BLK: variants seen among roughly 807,000 people sequenced by gnomAD.
The protein encoded by BLK is tyrosine-protein kinase Blk.
In BLK, 64 loss-of-function variants were observed where a neutral mutation model predicts 61.8. That is an observed-to-expected ratio of 1.03 (90% confidence interval 0.85 to 1.27). The LOEUF is 1.27. BLK is among the 50% of genes most tolerant of loss of function. The probability of loss-of-function intolerance (pLI) is 0.00; values close to 1 mark genes in which losing one functional copy is unlikely to be tolerated. For synonymous variants in BLK, 351 were observed against 272.0 expected, an observed-to-expected ratio of 1.29 and a Z score of -2.86; for missense variants, 853 against 660.5, an observed-to-expected ratio of 1.29 and a Z score of -3.19.
At chr8:11,514,137 T>C (rs1219790382) in intron 1 of BLK, among the ~76,000 whole-genome samples, 2 of 152,178 alleles carry the variant, frequency 1.3e-5, no homozygotes, top group East Asian at 1.9e-4. Context: ...GGAAAATCCT[T>C]GTTATTTCAA....
intron 1 of BLK, among the ~76,000 whole-genome samples, chr8:11,518,514 T>G (rs1356274668): frequency 2.0e-5 from 3 of 152,084 alleles, no homozygotes; most frequent in Non-Finnish European, 4.4e-5. Flanking sequence ...GTCACGCTGT[T>G]GCTGGCATCT....
At chr8:11,550,666 G>A (rs1329634223) in intron 6 of BLK, among the ~76,000 whole-genome samples, 2 of 152,260 alleles carry the variant, frequency 1.3e-5, no homozygotes, top group Non-Finnish European at 2.9e-5. Context: ...GCTGCAGGTA[G>A]CATATGTTAG....
rs146860090 is a variant in BLK at position 11,501,639 on chromosome 8, A to G, written c.-2+7048A>G. ...TTTACAAATAATAACAAAATATGCA[A>G]TAGTCTCTGTCCTAAATACCGCAGA... On this transcript the variant is annotated intron_variant, in intron 1 of 12. Transcript: ENST00000259089. Among the ~76,000 whole-genome samples the G allele has an allele frequency of 2.6e-5, 4 of 152,348 alleles. No homozygotes were observed. The East Asian group carries it at 7.7e-4, about 29-fold the overall frequency.
In BLK at chr8:11,553,413, G is replaced by A. The variant is rs144157053; in HGVS notation, c.473-1330G>A. 1,515 of 449,752 alleles carry A rather than the reference G, an allele frequency of 3.4e-3. 6 individuals carry two copies. Among genetic ancestry groups the A allele is most frequent in the South Asian group, 7.7e-3 (488 of 63,278 alleles). The allele number at this position is 449,752 out of a possible 1,614,324, so 27.9% of individuals were successfully genotyped here. On this transcript the variant is annotated intron_variant, in intron 6 of 12. Coordinates refer to ENST00000259089, the MANE Select transcript of BLK (RefSeq NM_001715.3). ...GGTTTTGTGAAACTGAAGCTGATAG[G>A]ATCTGAGGTCGTCTTTACAAAGGAC...
chr8:11,548,127 TGAG>T lies in BLK; in HGVS notation c.269+4_269+6del. On this transcript the variant is annotated splice_donor_5th_base_variant and intron_variant, in intron 4 of 12. Coordinates refer to ENST00000259089, the MANE Select transcript of BLK (RefSeq NM_001715.3). ...GGAGAAGCTACAGGTCCTGAAGGGGTGAGGTTCCAGGACACCATCCCCTGTCCC... is the reference window on the plus strand; with the variant it reads ...GGAGAAGCTACAGGTCCTGAAGGGGTGTTCCAGGACACCATCCCCTGTCCC... 1 of 1,611,604 alleles carries T rather than the reference TGAG, an allele frequency of 6.2e-7. No individual in the cohort carries two copies. Among genetic ancestry groups the T allele is most frequent in the Non-Finnish European group, 8.5e-7 (1 of 1,178,888 alleles).
intron 1 of BLK, among the ~76,000 whole-genome samples, chr8:11,529,809 A>G (rs1799814673): frequency 6.6e-6 from 1 of 152,186 alleles, no homozygotes; most frequent in African/African-American, 2.4e-5. Flanking sequence ...GTTAGGTTAG[A>G]TCTCTTTCAC....
At chr8:11,535,661 G>T (rs895640916) in intron 1 of BLK, among the ~76,000 whole-genome samples, 2 of 152,204 alleles carry the variant, frequency 1.3e-5, no homozygotes, top group South Asian at 2.1e-4. Context: ...TGAGGAACTT[G>T]TCAATGGAGG....
At chr8:11,537,337 T>C (rs1585377971) in intron 1 of BLK, among the ~76,000 whole-genome samples, 2 of 152,122 alleles carry the variant, frequency 1.3e-5, no homozygotes, top group African/African-American at 4.8e-5. Flanking sequence ...TAGCATGGCA[T>C]TGTGATCGCG....
At chr8:11,546,165 T>C in intron 3 of BLK, 62 bp downstream of exon 3, 2 of 1,589,506 alleles carry the variant, frequency 1.3e-6, no homozygotes, top group African/African-American at 1.3e-5. Context: ...GGCAGCTTTG[T>C]GGAGTTGGAA....
Position 11,542,125 on chromosome 8 carries a change from T to A in BLK, c.-1-1099T>A, listed in dbSNP as rs114921842. Among the ~76,000 whole-genome samples the A allele has an allele frequency of 7.4e-3, 1,130 of 152,300 alleles. 12 individuals carry two copies. The highest frequency in any genetic ancestry group is 0.025 in the African/African-American group (1,055 of 41,554). ...TGTGCTTTCAGCTCTCTGGAAGAAATGCATGACTGTGTTTCACTTAATCGA... is the reference window on the plus strand; with the variant it reads ...TGTGCTTTCAGCTCTCTGGAAGAAAAGCATGACTGTGTTTCACTTAATCGA... On this transcript the variant is annotated intron_variant, in intron 1 of 12. Coordinates refer to ENST00000259089, the MANE Select transcript of BLK (RefSeq NM_001715.3).
intron 3 of BLK, among the ~76,000 whole-genome samples, chr8:11,546,761 T>G (rs1800663875): frequency 6.6e-6 from 1 of 152,284 alleles, no homozygotes; most frequent in East Asian, 1.9e-4. Context: ...TTTTTACTAG[T>G]GAGGGGGTTT....
chr8:11,543,080 C>G (rs1388520318), intron 1 of BLK, 144 bp from the exon 2 acceptor site: 1 of 1,268,050 alleles, frequency 7.9e-7, no homozygotes, highest in Admixed American at 2.0e-5. Context: ...CTTCTACCCA[C>G]GTTCTGACTT....
At chr8:11,500,655 A>G (rs999373157) in intron 1 of BLK, among the ~76,000 whole-genome samples, 3 of 151,666 alleles carry the variant, frequency 2.0e-5, no homozygotes, top group African/African-American at 7.3e-5. Context: ...AGTTGGGACC[A>G]CAGGTGTGCA....
At chr8:11,555,303 C>A (rs1397974805) in intron 7 of BLK, 29 bp from the exon 8 acceptor site, 1 of 1,613,582 alleles carries the variant, frequency 6.2e-7, no homozygotes, top group South Asian at 1.1e-5. Flanking sequence ...CTGGTAACCC[C>A]CAGCCCTGTC....
chr8:11,552,121 G>C (rs1467733436), intron 6 of BLK, among the ~76,000 whole-genome samples: 6 of 152,218 alleles, frequency 3.9e-5, no homozygotes, highest in African/African-American at 2.4e-5. Context: ...GATGAGAATG[G>C]ACAGAGTTGT....
chr8:11,505,190 G>A (rs1798723027), intron 1 of BLK, among the ~76,000 whole-genome samples: 1 of 152,134 alleles, frequency 6.6e-6, no homozygotes, highest in African/African-American at 2.4e-5. Flanking sequence ...CAGCAAAACT[G>A]AACAAATAAA....
intron 3 of BLK, 48 bp downstream of exon 3, chr8:11,546,151 A>G (rs745460951): frequency 2.5e-6 from 4 of 1,603,670 alleles, no homozygotes; most frequent in South Asian, 1.1e-5. Context: ...CCTCTCCCCT[A>G]GGTGGCAGCT....
chr8:11,498,103 C>T (rs544837346), intron 1 of BLK, among the ~76,000 whole-genome samples: 1 of 152,344 alleles, frequency 6.6e-6, no homozygotes, highest in African/African-American at 2.4e-5. Context: ...CGTTCCTTCT[C>T]ATCACAACTA....
Position 11,555,744 on chromosome 8 carries a change from G to C in BLK, c.772+260G>C, listed in dbSNP as rs549762171. 1.9e-3 allele frequency: 1,095 copies of C among 562,680 alleles called. 16 individuals carry two copies. In the South Asian group the frequency reaches 0.019, roughly 10 times the overall value. 34.9% of individuals were successfully genotyped at this position (562,680 alleles called of 1,614,324 possible). ...CAGCCCCGAAGTCGCTCCCTCCTTC[G>C]TTCTCTGCCTGAAGCTGGCTTTGAC... On this transcript the variant is annotated intron_variant, in intron 8 of 12. Transcript: ENST00000259089.
Sources: allele counts gnomAD v4.1 joint callset (sites outside exome capture counted in the v4.1 genomes callset), GRCh38; gene constraint gnomAD v4.1.1; transcripts MANE v1.5; gene names NCBI Gene and HGNC (gene_info 2026-07-23, HGNC 2026-07-21).